The following PCDH15 variants were observed in gnomAD, a reference collection of about 807,000 sequenced individuals.
The protein encoded by PCDH15 is protocadherin-15.
A neutral mutation model predicts 178.5 loss-of-function variants in PCDH15; 129 were observed. That is an observed-to-expected ratio of 0.72 (90% confidence interval 0.63 to 0.84). The LOEUF is 0.84. Ranked by LOEUF, PCDH15 falls within the 40% of genes least tolerant of loss-of-function variation. The probability of loss-of-function intolerance (pLI) is 0.00; values close to 1 mark genes in which losing one functional copy is unlikely to be tolerated. For missense variants in PCDH15, 2,230 were observed against 2,099.9 expected (o/e 1.06, Z -1.21); for synonymous variants, 800 against 732.0 (o/e 1.09, Z -1.50).
intron 26 of PCDH15, among the ~76,000 whole-genome samples, chr10:53,873,277 C>T (rs1023180579): frequency 3.9e-5 from 6 of 152,222 alleles, no homozygotes; most frequent in African/African-American, 9.6e-5. Context: ...TGAGGCTGGA[C>T]TCCATCTCAG....
chr10:55,099,028 T>TGAA (rs1362219826), intron 2 of PCDH15, among the ~76,000 whole-genome samples: 1 of 151,976 alleles, frequency 6.6e-6, no homozygotes, highest in Non-Finnish European at 1.5e-5. Context: ...TGGCGCAAGA[T>TGAA]GATGAACCTC....
At chr10:54,924,279 C>T (rs1331899149) in intron 2 of PCDH15, among the ~76,000 whole-genome samples, 1 of 137,834 alleles carries the variant, frequency 7.3e-6, no homozygotes, top group East Asian at 2.0e-4. Context: ...TCTCCTTCCA[C>T]AACGCTGAGG....
chr10:54,770,957 A>G (rs953787977), intron 1 of PCDH15, among the ~76,000 whole-genome samples: 1 of 152,052 alleles, frequency 6.6e-6, no homozygotes, highest in Non-Finnish European at 1.5e-5. Context: ...TGGCTTTTGC[A>G]AAAGTATTAG....
intron 1 of PCDH15, among the ~76,000 whole-genome samples, chr10:54,785,897 AC>A (rs1950826107): frequency 6.6e-6 from 1 of 151,796 alleles, no homozygotes; most frequent in Non-Finnish European, 1.5e-5. Context: ...TGCCATCAGC[AC>A]CCCCTTCTCT....
chr10:54,527,943 C>A, intron 2 of PCDH15, 66 bp from the exon 3 acceptor site: 1 of 1,229,246 alleles, frequency 8.1e-7, no homozygotes, highest in Non-Finnish European at 1.2e-6. Flanking sequence ...GAAAAAAATT[C>A]ATTGAGATGT....
At chr10:54,830,330 A>G (rs1308202583) in intron 3 of PCDH15, among the ~76,000 whole-genome samples, 1 of 152,156 alleles carries the variant, frequency 6.6e-6, no homozygotes, top group Non-Finnish European at 1.5e-5. Flanking sequence ...ACTTGGAACC[A>G]ACCCAAATGT....
chr10:54,748,057 C>T (rs1945706802), intron 1 of PCDH15, among the ~76,000 whole-genome samples: 2 of 152,054 alleles, frequency 1.3e-5, no homozygotes, highest in South Asian at 2.1e-4. Context: ...CACCCGCCCC[C>T]GCCTCCCAAA....
At chr10:54,947,725 C>G (rs1838228705) in intron 2 of PCDH15, among the ~76,000 whole-genome samples, 1 of 151,926 alleles carries the variant, frequency 6.6e-6, no homozygotes. Context: ...TATTCACTAT[C>G]TTGAATGGCA....
intron 1 of PCDH15, among the ~76,000 whole-genome samples, chr10:55,224,731 A>G (rs1364833923): frequency 6.6e-6 from 1 of 152,108 alleles, no homozygotes; most frequent in East Asian, 1.9e-4. Flanking sequence ...CACATAGAAT[A>G]AAACCCAAAC....
At chr10:55,319,245 G>C (rs1843819375) in intron 1 of PCDH15, among the ~76,000 whole-genome samples, 1 of 151,980 alleles carries the variant, frequency 6.6e-6, no homozygotes, top group Admixed American at 6.6e-5. Context: ...ATACAAACCA[G>C]ACTTCAAGAG....
At chr10:54,515,875 C>G (rs922069999) in intron 3 of PCDH15, among the ~76,000 whole-genome samples, 15 of 152,296 alleles carry the variant, frequency 9.8e-5, no homozygotes, top group Non-Finnish European at 2.2e-4. Context: ...CTGCTGATAC[C>G]CAGGCAAACA....
intron 14 of PCDH15, among the ~76,000 whole-genome samples, chr10:54,142,562 CAAT>C (rs2043508722): frequency 6.6e-6 from 1 of 152,042 alleles, no homozygotes; most frequent in Non-Finnish European, 1.5e-5. Flanking sequence ...GTCAAAAGCA[CAAT>C]GATGCAAGGT....
chr10:54,523,983 G>T (rs1421617313), intron 3 of PCDH15, among the ~76,000 whole-genome samples: 1 of 152,118 alleles, frequency 6.6e-6, no homozygotes, highest in Non-Finnish European at 1.5e-5. Flanking sequence ...GAGAAATACT[G>T]CTTAGGAAAG....
At chr10:54,067,665 C>A (rs998475938) in intron 17 of PCDH15, among the ~76,000 whole-genome samples, 3 of 152,084 alleles carry the variant, frequency 2.0e-5, no homozygotes, top group Admixed American at 6.6e-5. Context: ...CAGTGTGGGG[C>A]TGATCACAAA....
At chr10:55,023,066 C>G (rs11004679) in intron 2 of PCDH15, among the ~76,000 whole-genome samples, 2 of 151,182 alleles carry the variant, frequency 1.3e-5, no homozygotes, top group Non-Finnish European at 2.9e-5. Context: ...CTCAGCCTCC[C>G]GAGTAGCTGG....
At chr10:54,797,993 A>G (rs576108725) in intron 1 of PCDH15, among the ~76,000 whole-genome samples, 1 of 152,064 alleles carries the variant, frequency 6.6e-6, no homozygotes, top group East Asian at 1.9e-4. Context: ...CCTGCCATCC[A>G]TACATGCAAC....
intron 15 of PCDH15, among the ~76,000 whole-genome samples, chr10:54,118,568 G>T (rs1399748738): frequency 6.6e-6 from 1 of 152,104 alleles, no homozygotes; most frequent in Non-Finnish European, 1.5e-5. Flanking sequence ...GCTGAGTCAG[G>T]AGAATGGCAT....
At chr10:53,877,362 AAC>A (rs1452758680) in intron 26 of PCDH15, among the ~76,000 whole-genome samples, 1 of 152,168 alleles carries the variant, frequency 6.6e-6, no homozygotes, top group Non-Finnish European at 1.5e-5. Flanking sequence ...AACAAAAGAA[AAC>A]ACACATGTAA....
At chr10:55,206,277 C>T (rs1404573582) in intron 1 of PCDH15, among the ~76,000 whole-genome samples, 1 of 152,088 alleles carries the variant, frequency 6.6e-6, no homozygotes, top group African/African-American at 2.4e-5. Flanking sequence ...CACTCCAAAT[C>T]TGGAAAACTT....
Sources: allele counts gnomAD v4.1 joint callset (sites outside exome capture counted in the v4.1 genomes callset), GRCh38; gene constraint gnomAD v4.1.1; transcripts MANE v1.5; gene names NCBI Gene and HGNC (gene_info 2026-07-23, HGNC 2026-07-21).